Variants in ADGRD1 observed in about 807,000 individuals in gnomAD.
ADGRD1 encodes the protein G-protein coupled receptor 133.
A neutral mutation model predicts 113.4 loss-of-function variants in ADGRD1; 77 were observed. The ratio of observed to expected loss-of-function variants is 0.68; its 90% confidence interval spans 0.57 to 0.82. The LOEUF (loss-of-function observed/expected upper bound fraction) is 0.82. Among genes scored for constraint, ADGRD1 ranks in the 40% least tolerant of loss-of-function variants. The pLI is 0.00. For missense variants in ADGRD1, 1,036 were observed against 1,139.1 expected (o/e 0.91, Z 1.30); for synonymous variants, 474 against 475.0 (o/e 1.00, Z 0.03).
chr12:131,048,166 C>A (rs1006880824), intron 13 of ADGRD1, among the ~76,000 whole-genome samples: 1 of 152,256 alleles, frequency 6.6e-6, no homozygotes, highest in African/African-American at 2.4e-5. Flanking sequence ...TGCCCCAGCA[C>A]TGGGGCTTAT....
chr12:130,975,279 C>T (rs1306224166), intron 4 of ADGRD1, among the ~76,000 whole-genome samples: 1 of 152,130 alleles, frequency 6.6e-6, no homozygotes, highest in Non-Finnish European at 1.5e-5. Context: ...ACATTTCTTC[C>T]CACAACTTGC....
At chr12:130,993,574 C>A (rs981988862) in intron 8 of ADGRD1, among the ~76,000 whole-genome samples, 1 of 151,998 alleles carries the variant, frequency 6.6e-6, no homozygotes, top group African/African-American at 2.4e-5. Flanking sequence ...TCACAGAGAC[C>A]TGGCTTTGAC....
chr12:131,131,010 G>C (rs1950908101), intron 20 of ADGRD1, among the ~76,000 whole-genome samples: 1 of 152,216 alleles, frequency 6.6e-6, no homozygotes, highest in African/African-American at 2.4e-5. Context: ...AGACACAAGG[G>C]AGAAGGCTAA....
intron 20 of ADGRD1, among the ~76,000 whole-genome samples, chr12:131,127,363 C>T (rs78286323): frequency 0.22 from 33,502 of 152,252 alleles, 4,634 homozygotes; most frequent in South Asian, 0.39. Context: ...TGGGAACAGT[C>T]ATGTGTGCAT....
rs541219860 is a variant in ADGRD1, at chr12:131,033,183, T to C, written c.1473+18843T>C. ...CAGGCTGGCCCTGCCCGAGCTCTTT[T>C]TTTGTGCGGGCAGGGCCGTTGGGTG... On this transcript the variant is annotated intron_variant, in intron 13 of 24. Transcript: ENST00000261654. Among the ~76,000 whole-genome samples, 39 of 152,260 alleles carry C rather than the reference T, an allele frequency of 2.6e-4. 1 individual carries two copies. In the South Asian group the frequency reaches 7.9e-3, roughly 31 times the overall value.
chr12:131,075,080 C>CT lies in ADGRD1; in HGVS notation c.1474-1719dup, dbSNP rs1451071263. On this transcript the variant is annotated intron_variant, in intron 13 of 24. Transcript: ENST00000261654. This position sits in a 1 kb window ranked among gnomAD's most constrained non-coding sequence, Gnocchi z 5.3. ...AGGCGTCGCCTCACTCCTGAGAAGC[C>CT]TTGCCACGTGTTGATGTGTATGGGT... Among the ~76,000 whole-genome samples the CT allele has an allele frequency of 6.6e-6, 1 of 152,204 alleles. No homozygotes were observed. The highest frequency in any genetic ancestry group is 1.9e-4 in the East Asian group (1 of 5,198).
At chr12:131,099,455 G>A (rs985514891) in intron 15 of ADGRD1, among the ~76,000 whole-genome samples, 2 of 152,188 alleles carry the variant, frequency 1.3e-5, no homozygotes, top group Non-Finnish European at 2.9e-5. Context: ...AAGGCAGTGA[G>A]CCACTATCAG....
intron 12 of ADGRD1, among the ~76,000 whole-genome samples, chr12:131,012,292 T>A (rs2136799845): frequency 6.6e-6 from 1 of 151,286 alleles, no homozygotes; most frequent in Non-Finnish European, 1.5e-5. Flanking sequence ...TTTTTTTTTT[T>A]AAGTTTGTGT....
chr12:131,075,964 C>T lies in ADGRD1; in HGVS notation c.1474-837C>T, dbSNP rs1885571040. Reference sequence around the variant, plus strand: ...CCGGAGCCATGCCACCTCTGAGCAGCCCTGGGTCCTGGTGGAGTCGCTGGC... The same window carrying T: ...CCGGAGCCATGCCACCTCTGAGCAGTCCTGGGTCCTGGTGGAGTCGCTGGC... On this transcript the variant is annotated intron_variant, in intron 13 of 24. Coordinates refer to ENST00000261654, the MANE Select transcript of ADGRD1 (RefSeq NM_198827.5). The surrounding 1 kb of genome is among the most constrained non-coding windows in gnomAD (Gnocchi z 5.3). 6.6e-6 allele frequency among the ~76,000 whole-genome samples: 1 copy of T among 152,154 alleles called. No individual in the cohort carries two copies. Among genetic ancestry groups the T allele is most frequent in the African/African-American group, 2.4e-5 (1 of 41,440 alleles).
chr12:131,069,426 A>G (rs909779108), intron 13 of ADGRD1: 2 of 152,170 alleles, frequency 1.3e-5, no homozygotes, highest in East Asian at 1.9e-4. Context: ...TCGTGGCTTC[A>G]TTTGTAAAGT....
rs1593222841 is a variant in ADGRD1 at position 131,104,907 on chromosome 12, C to T, written c.1748C>T (p.Ala583Val). 1 of 1,550,970 alleles carries T rather than the reference C, an allele frequency of 6.4e-7. No homozygotes were observed. Among genetic ancestry groups the T allele is most frequent in the African/African-American group, 1.4e-5 (1 of 73,198 alleles). Residue 583 changes from alanine (A) to valine (V), a missense_variant, in exon 16 of 25, where the codon GCC becomes GTC. Ala to Val is a moderately conservative substitution (Grantham distance 64, BLOSUM62 0). Transcript: ENST00000261654. The stretch of plus-strand genomic sequence containing the variant: ...TCCCTCTCCGTGCTCTGCCTGGTGG[C>T]CACGCTGGTCACCTTCGCCGTGCTG... ...GCSLSVLCLV[A>V]TLVTFAVLSS...
intron 20 of ADGRD1, among the ~76,000 whole-genome samples, chr12:131,122,295 CA>C (rs1352622141): frequency 1.3e-5 from 2 of 152,112 alleles, no homozygotes; most frequent in African/African-American, 4.8e-5. Context: ...GCCTCCCTCA[CA>C]GCGTCTACAG....
intron 2 of ADGRD1, among the ~76,000 whole-genome samples, chr12:130,955,831 G>A (rs745344967): frequency 2.6e-5 from 4 of 152,106 alleles, no homozygotes; most frequent in Non-Finnish European, 5.9e-5. Context: ...CACCCAGGCT[G>A]GAGTTGAGTG....
Position 131,084,798 on chromosome 12 carries a change from C to A in ADGRD1, c.1671+135C>A. 3.2e-6 allele frequency: 3 copies of A among 942,778 alleles called. No individual in the cohort carries two copies. Among genetic ancestry groups the A allele is most frequent in the Non-Finnish European group, 4.8e-6 (3 of 624,084 alleles). 58.4% of individuals were successfully genotyped at this position (942,778 alleles called of 1,614,324 possible). On this transcript the variant is annotated intron_variant, in intron 15 of 24. Coordinates refer to ENST00000261654, the MANE Select transcript of ADGRD1 (RefSeq NM_198827.5). The surrounding 1 kb of genome is among the most constrained non-coding windows in gnomAD (Gnocchi z 4.5). ...ACTCCATGGGGCCTGTGTTTACAGA[C>A]GGAATCCATTCTCTTGGCTTCTGTA...
intron 5 of ADGRD1, chr12:130,986,821 G>A (rs767125318): frequency 2.4e-6 from 1 of 418,514 alleles, no homozygotes; most frequent in South Asian, 3.4e-5. Context: ...TTGCTTGTGG[G>A]CATTTGAATT....
chr12:131,004,180 C>A lies in ADGRD1; in HGVS notation c.1145-6C>A, dbSNP rs1194204697. 1.9e-6 allele frequency: 3 copies of A among 1,593,784 alleles called. No homozygotes were observed. The South Asian group carries it at 3.3e-5, about 18-fold the overall frequency. ...GACTTCCGCTCTCTCGCTCCTTCCACCGCAGAGTTTTCCGTGGCCAAAATC... is the reference window on the plus strand; with the variant it reads ...GACTTCCGCTCTCTCGCTCCTTCCAACGCAGAGTTTTCCGTGGCCAAAATC... On this transcript the variant is annotated splice_region_variant and splice_polypyrimidine_tract_variant and intron_variant, in intron 10 of 24. Transcript: ENST00000261654.
intron 17 of ADGRD1, among the ~76,000 whole-genome samples, chr12:131,106,742 A>C (rs934814412): frequency 1.3e-5 from 2 of 152,084 alleles, no homozygotes; most frequent in Non-Finnish European, 2.9e-5. Context: ...ACCCACCTTC[A>C]TGTGGCAGCA....
intron 23 of ADGRD1, chr12:131,137,885 T>G: frequency 3.2e-6 from 1 of 312,480 alleles, no homozygotes; most frequent in Non-Finnish European, 6.1e-6. Flanking sequence ...CCCCGGGACA[T>G]TCATTGCTGA....
rs753697455 is a variant in ADGRD1, at chr12:130,954,644, A to C, written c.87A>C (p.Arg29Ser). 6 of 1,613,508 alleles carry C rather than the reference A, an allele frequency of 3.7e-6. No individual in the cohort carries two copies. The highest frequency in any genetic ancestry group is 2.2e-5 in the East Asian group (1 of 44,878). The change falls in exon 2 of 25, where the codon AGA (arginine) becomes AGC (serine). Residue 29 changes from arginine to serine, a missense_variant. Physicochemically the swap from Arg to Ser is moderately radical, Grantham distance 110. Coordinates refer to ENST00000261654, the MANE Select transcript of ADGRD1 (RefSeq NM_198827.5). This position sits in a 1 kb window ranked among gnomAD's most constrained non-coding sequence, Gnocchi z 4.7. ...YNFQVRGVYS[R>S]SQDHPGFQVL... ...CGCAGGTGCGTGGCGTCTACTCCAG[A>C]TCGCAGGACCATCCAGGTAAGAGTG...
Sources: gnomAD v4.1 joint callset for allele counts (sites outside exome capture counted in the v4.1 genomes callset) on GRCh38, gnomAD v4.1.1 for gene constraint, Gnocchi (gnomAD v3.1) non-coding constraint, MANE v1.5 for transcripts, NCBI Gene and HGNC (gene_info 2026-07-23, HGNC 2026-07-21) for gene names.